Variants in SMAD4 observed in about 807,000 individuals in gnomAD.
SMAD4 encodes the protein MAD homolog 4.
SMAD4 carries 7 observed loss-of-function variants against 63.2 expected under a neutral mutation model. The ratio of observed to expected loss-of-function variants is 0.11; its 90% CI spans 0.06 to 0.21. The LOEUF (loss-of-function observed/expected upper bound fraction) is 0.21, where lower values mean the gene tolerates loss of function less well. SMAD4 is among the 10% of genes least tolerant of loss of function. The probability of loss-of-function intolerance (pLI) is 1.00; values close to 1 mark genes in which losing one functional copy is unlikely to be tolerated. For missense variants in SMAD4, 312 were observed against 693.8 expected, an observed-to-expected ratio of 0.45 and a Z score of 6.18; for synonymous variants, 215 against 235.4, an observed-to-expected ratio of 0.91 and a Z score of 0.79.
At chr18:51,031,682 C>T (rs943897021) in intron 1 of SMAD4, among the ~76,000 whole-genome samples, 4 of 151,334 alleles carry the variant, frequency 2.6e-5, no homozygotes, top group Non-Finnish European at 5.9e-5. Flanking sequence ...CTTGGTTACT[C>T]GGGTGTTTTA....
Position 51,078,551 on chromosome 18 carries a change from C to T in SMAD4, c.*84C>T, listed in dbSNP as rs906014700. The T allele has an allele frequency of 3.9e-5, 38 of 970,788 alleles. No individual in the cohort carries two copies. The highest frequency in any genetic ancestry group is 5.8e-5 in the Non-Finnish European group (37 of 634,984). 60.1% of individuals were successfully genotyped at this position (970,788 alleles called of 1,614,324 possible). A position where few individuals can be genotyped will look rare whatever the true frequency, so the allele number is the denominator to read the frequency against. ...CTGTTTATAATCTGAAGATATATTT[C>T]ACTTTTGTTCTGCTTTATCTTTTCA... On this transcript the variant is annotated 3_prime_UTR_variant, in exon 12 of 12. Transcript: ENST00000342988.
In SMAD4 at chr18:51,053,702, T is replaced by A. The variant is rs1003333008; in HGVS notation, c.455-1079T>A. The A allele has an allele frequency of 9.9e-5, 15 of 152,180 alleles. 1 individual carries two copies. The highest frequency in any genetic ancestry group is 3.6e-4 in the African/African-American group (15 of 41,454). 9.4% of individuals were successfully genotyped at this position (152,180 alleles called of 1,614,324 possible). A position where few individuals can be genotyped will look rare whatever the true frequency, so the allele number is the denominator to read the frequency against. The stretch of plus-strand genomic sequence containing the variant: ...AAAAGTACCCATGTAACTTAACTGA[T>A]ATTTACATGTAGTAGATTTTTTTTC... On this transcript the variant is annotated intron_variant, in intron 4 of 11. Transcript: ENST00000342988.
At chr18:51,073,963 A>G (rs1429069327) in intron 10 of SMAD4, among the ~76,000 whole-genome samples, 2 of 152,178 alleles carry the variant, frequency 1.3e-5, no homozygotes, top group African/African-American at 2.4e-5. Context: ...ATGAGAAGAC[A>G]AGCCACAGAC....
chr18:51,037,989 A>G (rs1295421040), intron 1 of SMAD4, among the ~76,000 whole-genome samples: 1 of 152,164 alleles, frequency 6.6e-6, no homozygotes, highest in African/African-American at 2.4e-5. Context: ...AAGGAATGTG[A>G]TTAAAAAAAA....
At chr18:51,038,253 G>GA (rs60096801) in intron 1 of SMAD4, among the ~76,000 whole-genome samples, 55,543 of 144,338 alleles carry the variant, frequency 0.38, 11,628 homozygotes, top group African/African-American at 0.58. Context: ...CGAGACTGTG[G>GA]GGGGGGGGGC....
At chr18:51,054,713 T>C (rs1909792499) in intron 4 of SMAD4, 68 bp from the exon 5 acceptor site, 9 of 1,053,466 alleles carry the variant, frequency 8.5e-6, no homozygotes, top group Non-Finnish European at 1.2e-5. Context: ...TATTACTTGC[T>C]AATAAGATTT....
intron 4 of SMAD4, among the ~76,000 whole-genome samples, chr18:51,050,061 T>A (rs1176235364): frequency 2.0e-5 from 3 of 152,114 alleles, no homozygotes; most frequent in Non-Finnish European, 4.4e-5. Context: ...GAAACTCTTA[T>A]AAAGAACCAC....
In SMAD4 at chr18:51,080,253, A is replaced by G. The variant is rs1036389216; in HGVS notation, c.*1786A>G. 9 of 232,106 alleles carry G rather than the reference A, an allele frequency of 3.9e-5. No homozygotes were observed. Among genetic ancestry groups the G allele is most frequent in the Non-Finnish European group, 6.8e-5 (8 of 117,472 alleles). The allele number at this position is 232,106 out of a possible 1,614,324, so 14.4% of individuals were successfully genotyped here. A position where few individuals can be genotyped will look rare whatever the true frequency, so the allele number is the denominator to read the frequency against. ...GTTTGCTTATTTCTGTGATTTAAAC[A>G]TAGATCTTGATCCAAGCTACATGAC... On this transcript the variant is annotated 3_prime_UTR_variant, in exon 12 of 12. Coordinates refer to ENST00000342988, the MANE Select transcript of SMAD4 (RefSeq NM_005359.6).
At chr18:51,038,528 G>C (rs1161000937) in intron 1 of SMAD4, among the ~76,000 whole-genome samples, 1 of 152,158 alleles carries the variant, frequency 6.6e-6, no homozygotes, top group Non-Finnish European at 1.5e-5. Context: ...TGAGAAGGCT[G>C]TTAAAATACT....
intron 9 of SMAD4, among the ~76,000 whole-genome samples, chr18:51,066,647 A>G (rs980069481): frequency 6.6e-6 from 1 of 152,196 alleles, no homozygotes; most frequent in Non-Finnish European, 1.5e-5. Context: ...TTGATTGACT[A>G]ATCGGATTTC....
In SMAD4 at chr18:51,065,553, T is replaced by C. The variant is rs1801250; in HGVS notation, c.1086T>C (p.Phe362=). ...GYVDPSGGDR[F]CLGQLSNVHR... is the part of the protein sequence containing the mutation. ...TGGACCCTTCTGGAGGAGATCGCTT[T>C]TGTTTGGGTCAACTCTCCAATGTCC... The change falls in exon 9 of 12, where the codon TTT becomes TTC. Residue 362 remains phenylalanine (F), a synonymous_variant. Coordinates refer to ENST00000342988, the MANE Select transcript of SMAD4 (RefSeq NM_005359.6). 2,320 of 1,614,186 alleles carry C rather than the reference T, an allele frequency of 1.4e-3. 13 individuals carry two copies. The highest frequency in any genetic ancestry group is 6.8e-3 in the Middle Eastern group (41 of 6,062).
intron 10 of SMAD4, among the ~76,000 whole-genome samples, chr18:51,073,382 T>TACAC (rs1910373871): frequency 4.5e-5 from 4 of 88,102 alleles, no homozygotes; most frequent in East Asian, 3.9e-4. Context: ...TATATATATA[T>TACAC]ATATATACAC....
At chr18:51,034,051 A>G (rs1909128417) in intron 1 of SMAD4, among the ~76,000 whole-genome samples, 2 of 152,194 alleles carry the variant, frequency 1.3e-5, no homozygotes, top group Admixed American at 6.5e-5. Context: ...GGTAACAGTA[A>G]AGACCGTTCA....
At chr18:51,047,394 T>C (rs1475906066) in intron 2 of SMAD4, 99 bp downstream of exon 2, 7 of 1,057,494 alleles carry the variant, frequency 6.6e-6, no homozygotes, top group Admixed American at 5.1e-5. Context: ...TAATTTGTGC[T>C]CCATCTCTTC....
At position 51,076,785 on chromosome 18, in the gene SMAD4, G is replaced by A. The variant is rs878854766; in HGVS notation, c.1447+9G>A. The A allele has an allele frequency of 6.3e-7, 1 of 1,595,666 alleles. No homozygotes were observed. The highest frequency in any genetic ancestry group is 1.7e-5 in the Admixed American group (1 of 58,090). Reference sequence around the variant, plus strand: ...AATAGCTCCAGCTATCAGTAAGTATGCTTTTCATTCTTTTTTAAAGGTATA... The same window carrying A: ...AATAGCTCCAGCTATCAGTAAGTATACTTTTCATTCTTTTTTAAAGGTATA... On this transcript the variant is annotated intron_variant, in intron 11 of 11. Transcript: ENST00000342988.
intron 4 of SMAD4, among the ~76,000 whole-genome samples, chr18:51,050,658 CAA>C (rs796225213): frequency 5.3e-4 from 45 of 84,682 alleles, no homozygotes; most frequent in Non-Finnish European, 5.7e-4. Flanking sequence ...GACTCTGTCT[CAA>C]AAAAAAAAAA....
chr18:51,045,270 T>G (rs1356274268), intron 1 of SMAD4, among the ~76,000 whole-genome samples: 1 of 152,154 alleles, frequency 6.6e-6, no homozygotes, highest in Non-Finnish European at 1.5e-5. Context: ...GAGGAAGAGA[T>G]TTTGGTAGAA....
intron 1 of SMAD4, among the ~76,000 whole-genome samples, chr18:51,041,762 C>T (rs1457352476): frequency 6.6e-6 from 1 of 152,180 alleles, no homozygotes; most frequent in Non-Finnish European, 1.5e-5. Context: ...AATTTCTGAG[C>T]GATGACAGCA....
In SMAD4 at chr18:51,083,461, GTT is replaced by G. The variant is rs113155703; in HGVS notation, c.*5004_*5005del. The G allele has an allele frequency of 2.4e-5, 5 of 206,096 alleles. No homozygotes were observed. Among genetic ancestry groups the G allele is most frequent in the Non-Finnish European group, 2.9e-5 (3 of 103,134 alleles). 12.8% of individuals were successfully genotyped at this position (206,096 alleles called of 1,614,324 possible). A position where few individuals can be genotyped will look rare whatever the true frequency, so the allele number is the denominator to read the frequency against. ...GAAACTTTTTGTCCTTTTTTTTTCT[GTT>G]TTTTTTTTTCTAATGTAGTAAGGAC... On this transcript the variant is annotated 3_prime_UTR_variant, in exon 12 of 12. Coordinates refer to ENST00000342988, the MANE Select transcript of SMAD4 (RefSeq NM_005359.6).
Sources: allele counts gnomAD v4.1 joint callset (sites outside exome capture counted in the v4.1 genomes callset), GRCh38; gene constraint gnomAD v4.1.1; transcripts MANE v1.5; gene names NCBI Gene and HGNC (gene_info 2026-07-23, HGNC 2026-07-21).